PTPRC: variants seen among roughly 807,000 people sequenced by gnomAD.
PTPRC encodes the protein receptor-type tyrosine-protein phosphatase C.
In PTPRC, 44 loss-of-function variants were observed where a neutral mutation model predicts 155.9. That is an observed-to-expected ratio of 0.28 (90% CI 0.22 to 0.36). The LOEUF (loss-of-function observed/expected upper bound fraction) is 0.36, where lower values mean the gene tolerates loss of function less well. PTPRC is among the 10% of genes least tolerant of loss of function. The probability of loss-of-function intolerance (pLI) is 1.00; values close to 1 mark genes in which losing one functional copy is unlikely to be tolerated. For missense variants in PTPRC, 1,401 were observed against 1,564.6 expected (o/e 0.90, Z 1.76); for synonymous variants, 525 against 533.1 (o/e 0.98, Z 0.21).
At chr1:198,721,329 G>T (rs1290063400) in intron 14 of PTPRC, among the ~76,000 whole-genome samples, 1 of 151,652 alleles carries the variant, frequency 6.6e-6, no homozygotes. Flanking sequence ...GGTGGCTTTC[G>T]GATTAAAAGT....
chr1:198,709,406 T>C (rs1022001332), intron 10 of PTPRC, among the ~76,000 whole-genome samples: 2 of 152,008 alleles, frequency 1.3e-5, no homozygotes, highest in Non-Finnish European at 2.9e-5. Context: ...CTTCCCAATA[T>C]ATTGTATCAT....
rs574577775 is a variant in PTPRC at position 198,697,010 on chromosome 1, T to C, written c.298+101T>C. 2.7e-6 allele frequency: 3 copies of C among 1,115,276 alleles called. No homozygotes were observed. In the East Asian group the frequency reaches 7.1e-5, roughly 26 times the overall value. The allele number at this position is 1,115,276 out of a possible 1,614,324, so 69.1% of individuals were successfully genotyped here. ...GTCTTTAAATTATTTGCACAGTTTC[T>C]AAGTATGTGATTTTATTCAAGTGCA... On this transcript the variant is annotated intron_variant, in intron 4 of 32. Transcript: ENST00000442510.
chr1:198,722,837 T>TA (rs1178467146), intron 15 of PTPRC, among the ~76,000 whole-genome samples: 1 of 151,752 alleles, frequency 6.6e-6, no homozygotes. Context: ...AGCATATGTT[T>TA]AGCAGAAGTG....
At chr1:198,742,527 T>TA in intron 25 of PTPRC, among the ~76,000 whole-genome samples, 160 bp downstream of exon 25, 1 of 151,986 alleles carries the variant, frequency 6.6e-6, no homozygotes, top group Non-Finnish European at 1.5e-5. Flanking sequence ...CAGAAATACT[T>TA]AGAAGCATTT....
intron 7 of PTPRC, chr1:198,704,023 G>C (rs1666601509): frequency 5.7e-6 from 1 of 175,994 alleles, no homozygotes; most frequent in South Asian, 1.2e-4. Flanking sequence ...GCTTACAAAA[G>C]TTAATCTAGA....
rs188673946 is a variant in PTPRC at position 198,738,888 on chromosome 1, T to C, written c.2404-2981T>C. 1.2e-3 allele frequency among the ~76,000 whole-genome samples: 177 copies of C among 151,818 alleles called. 2 individuals carry two copies. In the East Asian group the frequency reaches 0.03, roughly 26 times the overall value. The stretch of plus-strand genomic sequence containing the variant: ...ATGGCAACAACAACTTTTCAAGACA[T>C]GGAGAGCAAAATAACACATGAATTG... On this transcript the variant is annotated intron_variant, in intron 23 of 32. Coordinates refer to ENST00000442510, the MANE Select transcript of PTPRC (RefSeq NM_002838.5).
At chr1:198,710,043 A>G (rs532041859) in intron 11 of PTPRC, among the ~76,000 whole-genome samples, 71 of 152,270 alleles carry the variant, frequency 4.7e-4, no homozygotes, top group African/African-American at 1.7e-3. Flanking sequence ...ATGCAGATTT[A>G]TCCATATGTT....
At chr1:198,673,600 C>T (rs1396047674) in intron 2 of PTPRC, among the ~76,000 whole-genome samples, 1 of 152,034 alleles carries the variant, frequency 6.6e-6, no homozygotes, top group Non-Finnish European at 1.5e-5. Flanking sequence ...TCAATACATT[C>T]AAAGATATTG....
At chr1:198,712,492 T>G in intron 11 of PTPRC, among the ~76,000 whole-genome samples, 1 of 152,304 alleles carries the variant, frequency 6.6e-6, no homozygotes, top group East Asian at 1.9e-4. Context: ...TAATGTAAAT[T>G]TTACTTCAGA....
Position 198,737,265 on chromosome 1 carries a change from C to A in PTPRC, c.2403+2013C>A, listed in dbSNP as rs557060477. Among the ~76,000 whole-genome samples the A allele has an allele frequency of 2.6e-5, 4 of 151,718 alleles. No homozygotes were observed. The South Asian group carries it at 8.3e-4, about 31-fold the overall frequency. On this transcript the variant is annotated intron_variant, in intron 23 of 32. Transcript: ENST00000442510. The stretch of plus-strand genomic sequence containing the variant: ...GGGTATTGTTGAATAAAACTTTGCA[C>A]AAACCAATGCCCTGGAGAGTTTCCC...
chr1:198,660,954 A>G (rs903210528), intron 2 of PTPRC, among the ~76,000 whole-genome samples: 1 of 152,146 alleles, frequency 6.6e-6, no homozygotes, highest in African/African-American at 2.4e-5. Flanking sequence ...TCCTTTCACA[A>G]TGGAGCTGCA....
intron 2 of PTPRC, among the ~76,000 whole-genome samples, chr1:198,666,222 C>G (rs1049107019): frequency 8.1e-6 from 1 of 122,946 alleles, no homozygotes; most frequent in African/African-American, 3.2e-5. Context: ...GCCTGGGCAA[C>G]AGAGCAAGAC....
At chr1:198,643,445 C>T (rs553771909) in intron 2 of PTPRC, among the ~76,000 whole-genome samples, 51 of 151,824 alleles carry the variant, frequency 3.4e-4, no homozygotes, top group Non-Finnish European at 6.5e-4. Flanking sequence ...TAACCAGAGG[C>T]GAAGTGGGAG....
At chr1:198,741,606 C>T (rs1300144960) in intron 23 of PTPRC, among the ~76,000 whole-genome samples, 5 of 151,658 alleles carry the variant, frequency 3.3e-5, no homozygotes, top group Non-Finnish European at 7.4e-5. Flanking sequence ...AAAGTATTAC[C>T]TTACTTACCT....
chr1:198,740,942 A>G (rs1195772416), intron 23 of PTPRC, among the ~76,000 whole-genome samples: 1 of 151,832 alleles, frequency 6.6e-6, no homozygotes. Flanking sequence ...TCTACAGGAG[A>G]AACAGACTTA....
At chr1:198,683,477 A>G (rs529335375) in intron 2 of PTPRC, among the ~76,000 whole-genome samples, 4 of 152,282 alleles carry the variant, frequency 2.6e-5, no homozygotes, top group African/African-American at 9.6e-5. Context: ...TAGGTAAATG[A>G]AAACAGACAT....
Position 198,709,695 on chromosome 1 carries a change from A to G in PTPRC, c.1042A>G (p.Ile348Val), listed in dbSNP as rs763450807. 6.4e-7 allele frequency: 1 copy of G among 1,573,518 alleles called. No homozygotes were observed. The highest frequency in any genetic ancestry group is 8.7e-7 in the Non-Finnish European group (1 of 1,150,162). The change falls in exon 11 of 33, where the codon ATA becomes GTA. Residue 348 changes from isoleucine (I) to valine (V), a missense_variant. By Grantham distance (29) the Ile-to-Val change is conservative (BLOSUM62 3). This residue lies in a region of PTPRC where 867 missense variants were observed against 970.4 expected (regional missense o/e 0.89). Coordinates refer to ENST00000442510, the MANE Select transcript of PTPRC (RefSeq NM_002838.5). ...ITYRFQCGNM[I>V]FDNKEIKLEN... ...ATATTTCTTTATTTCAGGTAATATG[A>G]TATTTGATAATAAAGAAATTAAATT...
Position 198,756,257 on chromosome 1 carries a change from A to G in PTPRC, c.*76A>G, listed in dbSNP as rs1378206374. 6.4e-7 allele frequency: 1 copy of G among 1,552,214 alleles called. No individual in the cohort carries two copies. Among genetic ancestry groups the G allele is most frequent in the Non-Finnish European group, 8.8e-7 (1 of 1,132,838 alleles). ...ATTTTTGTAGAAGTAGGAAGTGAAA[A>G]TAGGTATACAGTGGATTAATTAAAT... On this transcript the variant is annotated 3_prime_UTR_variant, in exon 33 of 33. Transcript: ENST00000442510.
At chr1:198,646,774 A>G (rs1161991113) in intron 2 of PTPRC, among the ~76,000 whole-genome samples, 1 of 151,878 alleles carries the variant, frequency 6.6e-6, no homozygotes, top group Non-Finnish European at 1.5e-5. Context: ...TCCTCTTATT[A>G]GCTTTCACAC....
Sources: gnomAD v4.1 joint callset for allele counts (sites outside exome capture counted in the v4.1 genomes callset) on GRCh38, gnomAD v4.1.1 for gene constraint, gnomAD v4.1.1 regional missense constraint, MANE v1.5 for transcripts, NCBI Gene and HGNC (gene_info 2026-07-23, HGNC 2026-07-21) for gene names.